The following NAALADL2 variants were observed in gnomAD, a reference collection of about 807,000 sequenced individuals.
The protein encoded by NAALADL2 is N-acetylated alpha-linked acidic dipeptidase like 2.
A neutral mutation model predicts 87.2 loss-of-function variants in NAALADL2; 76 were observed. That is an observed-to-expected ratio of 0.87 (90% CI 0.72 to 1.05). The LOEUF (loss-of-function observed/expected upper bound fraction) is 1.05. NAALADL2 is among the 50% of genes least tolerant of loss of function. The pLI, the probability that NAALADL2 is intolerant of heterozygous loss-of-function variation, is 0.00. For synonymous variants in NAALADL2, 354 were observed against 331.0 expected, an observed-to-expected ratio of 1.07 and a Z score of -0.75; for missense variants, 1,089 against 945.8, an observed-to-expected ratio of 1.15 and a Z score of -1.99.
chr3:174,950,624 A>G (rs1244846960), intron 1 of NAALADL2, among the ~76,000 whole-genome samples: 2 of 152,110 alleles, frequency 1.3e-5, no homozygotes, highest in East Asian at 3.9e-4. Context: ...TTTTTTTAAA[A>G]TAGTCATCCT....
chr3:175,325,642 G>A lies in NAALADL2; in HGVS notation c.1090+1317G>A, dbSNP rs116725792. Among the ~76,000 whole-genome samples the A allele has an allele frequency of 9.4e-3, 1,437 of 152,304 alleles. 18 individuals carry two copies. Among genetic ancestry groups the A allele is most frequent in the African/African-American group, 0.032 (1,322 of 41,550 alleles). ...TGTAAGAGTGCTCTAACCTAAGTTG[G>A]TAAGTTGGTAAGTTGGTTGGCACCA... On this transcript the variant is annotated intron_variant, in intron 5 of 13. Coordinates refer to ENST00000454872, the MANE Select transcript of NAALADL2 (RefSeq NM_207015.3).
intron 4 of NAALADL2, among the ~76,000 whole-genome samples, chr3:175,274,957 A>G (rs4518138): frequency 0.37 from 55,570 of 152,134 alleles, 10,646 homozygotes; most frequent in East Asian, 0.67. Flanking sequence ...CAAATACTAC[A>G]AAGTAAACAC....
At chr3:174,767,578 T>C (rs555143262) in intron 3 of NAALADL2, among the ~76,000 whole-genome samples, 144 of 152,220 alleles carry the variant, frequency 9.5e-4, no homozygotes, top group African/African-American at 3.4e-3. Flanking sequence ...CACAGGAAGC[T>C]ATTCACTAGC....
At chr3:175,783,061 C>G in intron 13 of NAALADL2, among the ~76,000 whole-genome samples, 1 of 150,158 alleles carries the variant, frequency 6.7e-6, no homozygotes, top group East Asian at 1.9e-4. Flanking sequence ...TTCCATTGAT[C>G]TATATCTCTG....
At chr3:175,542,750 G>A (rs1370966335) in intron 9 of NAALADL2, among the ~76,000 whole-genome samples, 1 of 151,912 alleles carries the variant, frequency 6.6e-6, no homozygotes, top group Non-Finnish European at 1.5e-5. Context: ...TGATGTAAGT[G>A]GACCTACACA....
chr3:175,752,650 A>C (rs1440831142), intron 12 of NAALADL2, among the ~76,000 whole-genome samples: 2 of 152,156 alleles, frequency 1.3e-5, no homozygotes, highest in Non-Finnish European at 1.5e-5. Flanking sequence ...AGTTTCCACT[A>C]TCAGGGTCCT....
intron 13 of NAALADL2, among the ~76,000 whole-genome samples, chr3:175,760,269 A>G (rs920238268): frequency 3.9e-5 from 6 of 152,148 alleles, no homozygotes; most frequent in African/African-American, 1.2e-4. Flanking sequence ...TAGGTAAAGC[A>G]CTATTTGTCT....
intron 5 of NAALADL2, among the ~76,000 whole-genome samples, chr3:175,423,713 C>T (rs901103497): frequency 7.9e-5 from 12 of 152,108 alleles, no homozygotes; most frequent in African/African-American, 2.9e-4. Context: ...GTGAATAGTG[C>T]CACAATAAAT....
intron 2 of NAALADL2, among the ~76,000 whole-genome samples, chr3:174,688,570 T>C (rs1314076889): frequency 6.6e-6 from 1 of 151,976 alleles, no homozygotes; most frequent in Admixed American, 6.6e-5. Flanking sequence ...TATTGGCTGT[T>C]ATTATTCTTC....
At chr3:175,536,372 C>G (rs1054966262) in intron 9 of NAALADL2, among the ~76,000 whole-genome samples, 3 of 152,148 alleles carry the variant, frequency 2.0e-5, no homozygotes, top group East Asian at 3.9e-4. Context: ...ACATATGACC[C>G]CCAATTTTCT....
intron 13 of NAALADL2, among the ~76,000 whole-genome samples, chr3:175,790,633 G>A (rs1186145769): frequency 6.6e-6 from 1 of 152,100 alleles, no homozygotes; most frequent in Non-Finnish European, 1.5e-5. Context: ...TCACCTTGGA[G>A]CAAGAAATAG....
chr3:174,694,647 G>A (rs1259523631), intron 2 of NAALADL2, among the ~76,000 whole-genome samples: 2 of 152,022 alleles, frequency 1.3e-5, no homozygotes, highest in East Asian at 3.9e-4. Flanking sequence ...TGGGGAAGTT[G>A]TTAATATTCT....
chr3:175,591,514 C>T (rs552357726), intron 10 of NAALADL2, among the ~76,000 whole-genome samples: 119 of 151,818 alleles, frequency 7.8e-4, no homozygotes, highest in African/African-American at 2.7e-3. Context: ...AAACAATGTG[C>T]AGAACACTAT....
intron 10 of NAALADL2, among the ~76,000 whole-genome samples, chr3:175,619,471 G>GGA (rs1725894925): frequency 7.0e-6 from 1 of 143,420 alleles, no homozygotes; most frequent in Non-Finnish European, 1.5e-5. Context: ...AACATGGTGG[G>GGA]AAAAAAAAAA....
At chr3:175,348,143 C>T (rs1763354370) in intron 5 of NAALADL2, among the ~76,000 whole-genome samples, 1 of 152,046 alleles carries the variant, frequency 6.6e-6, no homozygotes, top group Non-Finnish European at 1.5e-5. Context: ...CCTCCACCTC[C>T]CAGGTTCAAG....
intron 2 of NAALADL2, among the ~76,000 whole-genome samples, chr3:175,214,921 C>CA (rs1472091354): frequency 6.6e-6 from 1 of 151,910 alleles, no homozygotes; most frequent in Non-Finnish European, 1.5e-5. Flanking sequence ...TTGACACACA[C>CA]AAAAAAATAT....
At chr3:174,608,838 A>T (rs79976419) in intron 2 of NAALADL2, among the ~76,000 whole-genome samples, 23,598 of 151,116 alleles carry the variant, frequency 0.16, 2,111 homozygotes, top group African/African-American at 0.23. Flanking sequence ...CCTGATACCA[A>T]AGCCAGGCAG....
chr3:175,204,311 G>A lies in NAALADL2; in HGVS notation c.546-29620G>A, dbSNP rs536721968. Among the ~76,000 whole-genome samples the A allele has an allele frequency of 3.3e-5, 5 of 152,258 alleles. No homozygotes were observed. In the East Asian group the frequency reaches 9.6e-4, roughly 29 times the overall value. On this transcript the variant is annotated intron_variant, in intron 2 of 13. Transcript: ENST00000454872. ...TTAACATATGCAAGCCAATAAATGT[G>A]ATATACCACATCAACAGAATTAAAA...
At chr3:175,422,456 CT>C (rs1715864094) in intron 5 of NAALADL2, among the ~76,000 whole-genome samples, 1 of 152,054 alleles carries the variant, frequency 6.6e-6, no homozygotes, top group African/African-American at 2.4e-5. Context: ...TATTCCTGTC[CT>C]TTAGTTAATT....
Sources: gnomAD v4.1 joint callset for allele counts (sites outside exome capture counted in the v4.1 genomes callset) on GRCh38, gnomAD v4.1.1 for gene constraint, MANE v1.5 for transcripts, NCBI Gene and HGNC (gene_info 2026-07-23, HGNC 2026-07-21) for gene names.